The following HEMK2 variants were observed in gnomAD, a reference collection of about 807,000 sequenced individuals.
HEMK2 encodes the protein HemK methyltransferase 2, ETF1 glutamine and histone H4 lysine.
the HEMK2 span, among the ~76,000 whole-genome samples, chr21:28,816,180 C>T: frequency 6.6e-6 from 1 of 152,282 alleles, no homozygotes; most frequent in South Asian, 2.1e-4. Flanking sequence ...AAATAAATTT[C>T]TGTTATTTCA....
At chr21:28,714,417 A>G in the HEMK2 span, among the ~76,000 whole-genome samples, 2 of 152,206 alleles carry the variant, frequency 1.3e-5, no homozygotes, top group African/African-American at 2.4e-5. Context: ...CTATATAGTT[A>G]GGGTGTGGAG....
chr21:28,584,283 A>G, the HEMK2 span, among the ~76,000 whole-genome samples: 3 of 152,234 alleles, frequency 2.0e-5, no homozygotes, highest in Non-Finnish European at 4.4e-5. Context: ...TTATCAATAA[A>G]TTAGGGTGTC....
chr21:28,693,599 T>A, the HEMK2 span, among the ~76,000 whole-genome samples: 1 of 152,230 alleles, frequency 6.6e-6, no homozygotes, highest in South Asian at 2.1e-4. Flanking sequence ...CCGTTAAGCA[T>A]GCCGCAGCCT....
the HEMK2 span, among the ~76,000 whole-genome samples, chr21:28,805,511 G>A: frequency 6.6e-6 from 1 of 152,180 alleles, no homozygotes; most frequent in Non-Finnish European, 1.5e-5. Context: ...ATTACAACAA[G>A]CTATTCCTAA....
At chr21:28,865,002 G>A in the HEMK2 span, among the ~76,000 whole-genome samples, 128,088 of 151,872 alleles carry the variant, frequency 0.84, 54,446 homozygotes, top group South Asian at 0.93. Flanking sequence ...ACCCTATGCA[G>A]ATATGTTCCC....
chr21:28,683,763 T>A, the HEMK2 span, among the ~76,000 whole-genome samples: 63 of 152,260 alleles, frequency 4.1e-4, no homozygotes, highest in African/African-American at 1.4e-3. Context: ...GCCAACAATT[T>A]TAAATAGTGA....
the HEMK2 span, among the ~76,000 whole-genome samples, chr21:28,795,491 C>A: frequency 6.6e-6 from 1 of 152,220 alleles, no homozygotes; most frequent in Admixed American, 6.5e-5. Context: ...CGACAAGGAA[C>A]CTTGTCTCTT....
At chr21:28,630,696 A>G in the HEMK2 span, among the ~76,000 whole-genome samples, 37 of 147,258 alleles carry the variant, frequency 2.5e-4, no homozygotes, top group Non-Finnish European at 4.9e-4. Flanking sequence ...ACCAAACACC[A>G]CATGTTCTCA....
the HEMK2 span, among the ~76,000 whole-genome samples, chr21:28,852,901 G>T: frequency 6.6e-6 from 1 of 152,174 alleles, no homozygotes; most frequent in Non-Finnish European, 1.5e-5. Flanking sequence ...CTTTGCATCT[G>T]CTGTCCATTC....
chr21:28,837,428 C>A, the HEMK2 span, among the ~76,000 whole-genome samples: 1 of 152,152 alleles, frequency 6.6e-6, no homozygotes, highest in African/African-American at 2.4e-5. Context: ...AATTAAATAG[C>A]CTGCTCCTTA....
the HEMK2 span, among the ~76,000 whole-genome samples, chr21:28,860,309 G>A: frequency 6.6e-6 from 1 of 152,068 alleles, no homozygotes; most frequent in South Asian, 2.1e-4. Flanking sequence ...CCTGCTGGAT[G>A]CTTCCTGTCC....
the HEMK2 span, among the ~76,000 whole-genome samples, chr21:28,740,674 A>G: frequency 0.23 from 34,781 of 152,114 alleles, 4,615 homozygotes; most frequent in African/African-American, 0.35. Context: ...GCAACCTGCT[A>G]TCTTTACCTG....
chr21:28,619,569 T>TA, the HEMK2 span, among the ~76,000 whole-genome samples: 2 of 152,332 alleles, frequency 1.3e-5, no homozygotes, highest in Admixed American at 1.3e-4. Flanking sequence ...AAACAGCTCT[T>TA]AGTCTTTTCT....
At chr21:28,589,995 A>C in the HEMK2 span, among the ~76,000 whole-genome samples, 2 of 152,154 alleles carry the variant, frequency 1.3e-5, no homozygotes, top group African/African-American at 4.8e-5. Flanking sequence ...ACACATTTCC[A>C]GATTTCCCCA....
At chr21:28,617,929 A>G in the HEMK2 span, among the ~76,000 whole-genome samples, 1 of 152,042 alleles carries the variant, frequency 6.6e-6, no homozygotes, top group African/African-American at 2.4e-5. Flanking sequence ...CTGGGACTAC[A>G]GGCATATGCC....
chr21:28,620,358 G>A, the HEMK2 span, among the ~76,000 whole-genome samples: 2,960 of 152,156 alleles, frequency 0.019, 103 homozygotes, highest in African/African-American at 0.068. Flanking sequence ...GCTCCTCTTT[G>A]GACCTCTGGT....
At chr21:28,743,135 C>A in the HEMK2 span, 1 of 152,030 alleles carries the variant, frequency 6.6e-6, no homozygotes, top group Admixed American at 6.6e-5. Context: ...AGGGATGAGA[C>A]CCAAAGGTCT....
the HEMK2 span, among the ~76,000 whole-genome samples, chr21:28,849,449 G>C: frequency 2.6e-5 from 4 of 152,278 alleles, no homozygotes; most frequent in African/African-American, 4.8e-5. Context: ...AAGAACTCAG[G>C]AAACTCAAAA....
chr21:28,640,581 T>A, the HEMK2 span, among the ~76,000 whole-genome samples: 1 of 152,194 alleles, frequency 6.6e-6, no homozygotes, highest in Non-Finnish European at 1.5e-5. Context: ...AATTAAGGTA[T>A]CTCTGAAATC....
Sources: allele counts gnomAD v4.1 joint callset (sites outside exome capture counted in the v4.1 genomes callset), GRCh38; gene constraint gnomAD v4.1.1; transcripts MANE v1.5; gene names NCBI Gene and HGNC (gene_info 2026-07-23, HGNC 2026-07-21).